Variants in POM121C observed in about 807,000 individuals in gnomAD.
POM121C encodes the protein POM121 transmembrane nucleoporin C, also known as nuclear envelope pore membrane protein POM 121C.
POM121C carries 20 observed loss-of-function variants against 66.4 expected under a neutral mutation model. That is an observed-to-expected ratio of 0.30 (90% CI 0.21 to 0.44). The LOEUF (loss-of-function observed/expected upper bound fraction) is 0.44. POM121C is among the 20% of genes least tolerant of loss of function. The probability of loss-of-function intolerance (pLI) is 1.00; values close to 1 mark genes in which losing one functional copy is unlikely to be tolerated. For missense variants in POM121C, 580 were observed against 1,225.7 expected (o/e 0.47, Z 7.87); for synonymous variants, 286 against 528.0 (o/e 0.54, Z 6.28).
intron 3 of POM121C, among the ~76,000 whole-genome samples, chr7:75,468,174 G>A (rs1240555836): frequency 1.4e-5 from 2 of 144,464 alleles, no homozygotes; most frequent in African/African-American, 2.5e-5. Flanking sequence ...AAAAAGAAAC[G>A]CAGAAACACA....
intron 1 of POM121C, among the ~76,000 whole-genome samples, chr7:75,478,200 C>T (rs1459918456): frequency 1.3e-5 from 2 of 152,144 alleles, no homozygotes; most frequent in African/African-American, 4.8e-5. Flanking sequence ...CTCCTGACCT[C>T]GTGATCCGCC....
At position 75,441,000 on chromosome 7, in the gene POM121C, C is replaced by T. The variant is rs1294897031; in HGVS notation, c.181G>A (p.Glu61Lys). The T allele has an allele frequency of 3.1e-6, 5 of 1,613,862 alleles. No individual in the cohort carries two copies. The Admixed American group carries it at 5.0e-5, about 16-fold the overall frequency. The change falls in exon 5 of 15, where the codon GAG becomes AAG. Residue 61 changes from glutamate (E) to lysine (K), a missense_variant. Transcript: ENST00000615331. ...TCAAGGAATATTTGGTCTTCTTCCTCCACTGTCCTTTTCTTCTTCTTCTCT... is the reference window on the plus strand; with the variant it reads ...TCAAGGAATATTTGGTCTTCTTCCTTCACTGTCCTTTTCTTCTTCTTCTCT... ...LKEKKKKRTV[E>K]EEDQIFLDGQ...
rs57918412 is a variant in POM121C, at chr7:75,477,110, TACAC to T, written c.-457-1926_-457-1923del. ...AGCACATATATACAGTTTGCGTGTA[TACAC>T]ACACACACACACACACACACTCTTA... On this transcript the variant is annotated intron_variant, in intron 1 of 14. Coordinates refer to ENST00000615331, the MANE Select transcript of POM121C (RefSeq NM_001099415.3). Among the ~76,000 whole-genome samples, 15 of 140,656 alleles carry T rather than the reference TACAC, an allele frequency of 1.1e-4. 1 individual carries two copies. Among genetic ancestry groups the T allele is most frequent in the African/African-American group, 2.6e-4 (10 of 38,436 alleles). 92.3% of individuals were successfully genotyped at this position (140,656 alleles called of 152,430 possible). A position where few individuals can be genotyped will look rare whatever the true frequency, so the allele number is the denominator to read the frequency against.
chr7:75,481,605 G>A (rs1238800091), intron 1 of POM121C, among the ~76,000 whole-genome samples: 1 of 152,142 alleles, frequency 6.6e-6, no homozygotes, highest in Non-Finnish European at 1.5e-5. Context: ...TTAAAGAAGA[G>A]GATCACTTGA....
At chr7:75,455,762 G>T (rs1403200057) in intron 3 of POM121C, among the ~76,000 whole-genome samples, 1 of 152,144 alleles carries the variant, frequency 6.6e-6, no homozygotes, top group South Asian at 2.1e-4. Flanking sequence ...TATCTACCGT[G>T]TCTATTTTCA....
At position 75,421,885 on chromosome 7, in the gene POM121C, G is replaced by C. The variant is rs782599093; in HGVS notation, c.2367C>G (p.Ser789Arg). The C allele has an allele frequency of 1.2e-6, 2 of 1,612,292 alleles. No homozygotes were observed. The highest frequency in any genetic ancestry group is 1.7e-6 in the Non-Finnish European group (2 of 1,179,590). Residue 789 changes from serine to arginine, a missense_variant, in exon 13 of 15, where the codon AGC becomes AGG. Transcript: ENST00000615331. ...TGGAGCCGCCAAAGGCGGGCTGTGA[G>C]CTGGCGGGAGCGCCGAAGGCGGAAG... ...ATASAFGAPA[S>R]SQPAFGGSTA...
chr7:75,425,830 C>T, intron 8 of POM121C, 122 bp from the exon 9 acceptor site: 1 of 1,031,958 alleles, frequency 9.7e-7, no homozygotes, highest in Non-Finnish European at 1.4e-6. Context: ...TTTAAGATCT[C>T]AGTATGCCAG....
At position 75,441,625 on chromosome 7, in the gene POM121C, G is replaced by A. The variant is rs1790652625; in HGVS notation, c.-129C>T. The A allele has an allele frequency of 6.4e-7, 1 of 1,563,620 alleles. No individual in the cohort carries two copies. Among genetic ancestry groups the A allele is most frequent in the Non-Finnish European group, 8.7e-7 (1 of 1,153,316 alleles). The stretch of plus-strand genomic sequence containing the variant: ...CGTCTTCGAGGTGTTATTACAAACC[G>A]ATCTGGTAAAGTCCCACGATCCCTG... On this transcript the variant is annotated 5_prime_UTR_variant, in exon 4 of 15. Coordinates refer to ENST00000615331, the MANE Select transcript of POM121C (RefSeq NM_001099415.3).
chr7:75,479,552 G>T (rs1554479808), intron 1 of POM121C, among the ~76,000 whole-genome samples: 1 of 147,226 alleles, frequency 6.8e-6, no homozygotes, highest in South Asian at 2.1e-4. Context: ...GGAGGCAGAG[G>T]TTGCAGTGGG....
intron 12 of POM121C, among the ~76,000 whole-genome samples, chr7:75,423,654 G>A (rs1789815279): frequency 6.6e-6 from 1 of 152,094 alleles, no homozygotes; most frequent in Non-Finnish European, 1.5e-5. Context: ...GGCCTGGGCC[G>A]GGAACACCAG....
At chr7:75,483,265 A>G (rs1484362952) in intron 1 of POM121C, among the ~76,000 whole-genome samples, 1 of 152,372 alleles carries the variant, frequency 6.6e-6, no homozygotes, top group East Asian at 1.9e-4. Flanking sequence ...CCACAATTAT[A>G]TCAACTTGAA....
chr7:75,451,534 G>A (rs1791021551), intron 3 of POM121C, among the ~76,000 whole-genome samples: 1 of 109,940 alleles, frequency 9.1e-6, no homozygotes, highest in South Asian at 3.6e-4. Context: ...ATGGATTAAA[G>A]ACTTAAATGT....
rs781961874 is a variant in POM121C, at chr7:75,421,943, G to A, written c.2309C>T (p.Ala770Val). The change falls in exon 13 of 15, where the codon GCC becomes GTC. Residue 770 changes from alanine (A) to valine (V), a missense_variant. Transcript: ENST00000615331. ...PTPIQPTFGG[A>V]THSAFGLKAT... ...TTTCAATCCAAACGCCGAGTGCGTG[G>A]CACCGCCAAAGGTAGGCTGGATGGG... is the stretch of plus-strand genomic sequence containing the variant. The A allele has an allele frequency of 3.1e-6, 5 of 1,613,666 alleles. No homozygotes were observed. In the South Asian group the frequency reaches 3.3e-5, roughly 11 times the overall value.
chr7:75,442,236 T>C (rs1340771131), intron 3 of POM121C: 1 of 1,220,940 alleles, frequency 8.2e-7, no homozygotes, highest in Non-Finnish European at 1.0e-6. Context: ...GAGGGCGGTG[T>C]GGAGCGCGGC....
At position 75,422,081 on chromosome 7, in the gene POM121C, G is replaced by C. The variant is rs782643866; in HGVS notation, c.2171C>G (p.Pro724Arg). Reference protein sequence around the residue: ...PPGAAKPALTPSFGSSFTFGN... With the variant: ...PPGAAKPALTRSFGSSFTFGN... ...AAAAGTGAAAGAGCTGCCAAAGCTG[G>C]GGGTAAGGGCTGGCTTGGCGGCCCC... Residue 724 changes from proline to arginine, a missense_variant, in exon 13 of 15, where the codon CCC (proline) becomes CGC (arginine). By Grantham distance (103) the Pro-to-Arg change is moderately radical. Transcript: ENST00000615331. 26 of 1,609,106 alleles carry C rather than the reference G, an allele frequency of 1.6e-5. No individual in the cohort carries two copies. The highest frequency in any genetic ancestry group is 2.1e-5 in the Non-Finnish European group (25 of 1,176,354).
At chr7:75,463,861 T>C (rs1388184019) in intron 3 of POM121C, among the ~76,000 whole-genome samples, 1 of 151,794 alleles carries the variant, frequency 6.6e-6, no homozygotes, top group Admixed American at 6.6e-5. Flanking sequence ...TCTGACTGTT[T>C]TTGGATTTTT....
chr7:75,472,835 A>AG (rs1791928095), intron 3 of POM121C, among the ~76,000 whole-genome samples: 1 of 146,630 alleles, frequency 6.8e-6, no homozygotes, highest in African/African-American at 2.5e-5. Flanking sequence ...GGAGGGAGGG[A>AG]GGAAGGGAGG....
In POM121C at chr7:75,419,361, G is replaced by A. The variant is rs1554470271; in HGVS notation, c.2825C>T (p.Ser942Phe). 4 of 1,613,812 alleles carry A rather than the reference G, an allele frequency of 2.5e-6. No homozygotes were observed. Among genetic ancestry groups the A allele is most frequent in the Non-Finnish European group, 3.4e-6 (4 of 1,179,782 alleles). ...TSGSSLSFGA[S>F]SAPAQGFVGV... is the part of the protein sequence containing the mutation. ...AACAAAGCCTTGGGCGGGTGCTGAAGATGCCCCAAAGGAGAGGCTGCTGCC... is the reference window on the plus strand; with the variant it reads ...AACAAAGCCTTGGGCGGGTGCTGAAAATGCCCCAAAGGAGAGGCTGCTGCC... The change falls in exon 14 of 15, where the codon TCT (serine) becomes TTT (phenylalanine). Residue 942 changes from serine to phenylalanine, a missense_variant. Transcript: ENST00000615331.
intron 3 of POM121C, among the ~76,000 whole-genome samples, chr7:75,464,904 A>G (rs1478667681): frequency 1.3e-5 from 2 of 150,774 alleles, no homozygotes; most frequent in Non-Finnish European, 3.0e-5. Flanking sequence ...GAAATGAAAA[A>G]TTCACCAGAC....
Sources: gnomAD v4.1 joint callset for allele counts (sites outside exome capture counted in the v4.1 genomes callset) on GRCh38, gnomAD v4.1.1 for gene constraint, MANE v1.5 for transcripts, NCBI Gene and HGNC (gene_info 2026-07-23, HGNC 2026-07-21) for gene names.